ASB3: variants seen among roughly 807,000 people sequenced by gnomAD.
The protein encoded by ASB3 is ankyrin repeat and SOCS box protein 3.
In ASB3, 41 loss-of-function variants were observed where a neutral mutation model predicts 54.5. The observed-to-expected ratio is 0.75, with a 90% confidence interval of 0.59 to 0.98. The LOEUF (loss-of-function observed/expected upper bound fraction) is 0.98, where lower values mean the gene tolerates loss of function less well. Among genes scored for constraint, ASB3 ranks in the 50% least tolerant of loss-of-function variants. ASB3 has a pLI of 0.00. For synonymous variants in ASB3, 266 were observed against 221.2 expected (o/e 1.20, Z -1.80); for missense variants, 733 against 620.0 (o/e 1.18, Z -1.94).
At chr2:53,696,269 T>A (rs1669175931) in intron 8 of ASB3, among the ~76,000 whole-genome samples, 1 of 152,224 alleles carries the variant, frequency 6.6e-6, no homozygotes, top group African/African-American at 2.4e-5. Context: ...ACAACTTACT[T>A]CAAAATAGTT....
At chr2:53,756,994 G>A (rs76197928) in intron 2 of ASB3, 128 of 168,316 alleles carry the variant, frequency 7.6e-4, no homozygotes, top group Admixed American at 1.9e-3. Context: ...CTTGGAATCC[G>A]TGAGGTCAAG....
Position 53,670,436 on chromosome 2 carries a change from C to G in ASB3, c.*67G>C. 1.3e-6 allele frequency: 2 copies of G among 1,531,238 alleles called. No homozygotes were observed. The highest frequency in any genetic ancestry group is 1.8e-6 in the Non-Finnish European group (2 of 1,134,688). The allele number at this position is 1,531,238 out of a possible 1,614,324, so 94.9% of individuals were successfully genotyped here. A position where few individuals can be genotyped will look rare whatever the true frequency, so the allele number is the denominator to read the frequency against. ...CTATAAAATCATAAAAACTTGTACT[C>G]TGTGGCTCTTTTGTCTCGATGATTT... On this transcript the variant is annotated 3_prime_UTR_variant, in exon 10 of 10. Transcript: ENST00000263634.
chr2:53,762,524 T>G (rs1395697740), intron 2 of ASB3, among the ~76,000 whole-genome samples: 1 of 152,214 alleles, frequency 6.6e-6, no homozygotes, highest in Non-Finnish European at 1.5e-5. Context: ...TTATTTAACA[T>G]GAACTAATAA....
chr2:53,774,536 AG>A (rs1287009643), intron 1 of ASB3: 1 of 1,516,178 alleles, frequency 6.6e-7, no homozygotes, highest in South Asian at 1.4e-5. Context: ...TTTAGTCTTC[AG>A]AGAATTAACT....
intron 2 of ASB3, among the ~76,000 whole-genome samples, chr2:53,752,470 T>A (rs890338146): frequency 6.6e-6 from 1 of 152,210 alleles, no homozygotes; most frequent in African/African-American, 2.4e-5. Flanking sequence ...CCCCACTGCA[T>A]AAGGTGAGAA....
intron 8 of ASB3, among the ~76,000 whole-genome samples, chr2:53,696,912 C>T (rs1231256721): frequency 6.6e-6 from 1 of 152,004 alleles, no homozygotes; most frequent in Non-Finnish European, 1.5e-5. Context: ...GGTGTATGAA[C>T]CAGAGCAACT....
intron 1 of ASB3, among the ~76,000 whole-genome samples, chr2:53,772,476 G>A (rs1325218987): frequency 1.3e-5 from 2 of 151,876 alleles, no homozygotes; most frequent in Non-Finnish European, 2.9e-5. Flanking sequence ...GCCCAGCCGT[G>A]GGATTTTTTT....
intron 3 of ASB3, among the ~76,000 whole-genome samples, chr2:53,738,134 G>A (rs568975064): frequency 6.6e-6 from 1 of 152,276 alleles, no homozygotes; most frequent in South Asian, 2.1e-4. Context: ...GCCTGATAGT[G>A]TAGAGGCCTG....
chr2:53,733,080 G>A (rs1033078120), intron 3 of ASB3, among the ~76,000 whole-genome samples: 1 of 152,156 alleles, frequency 6.6e-6, no homozygotes, highest in Non-Finnish European at 1.5e-5. Context: ...TCTTTTCTAA[G>A]AACAGAGTCA....
At chr2:53,686,474 A>T (rs1668637352) in intron 9 of ASB3, among the ~76,000 whole-genome samples, 1 of 152,208 alleles carries the variant, frequency 6.6e-6, no homozygotes, top group Admixed American at 6.5e-5. Context: ...AGCAGCTACA[A>T]GAAACCTTTC....
chr2:53,772,235 C>G (rs1014184795), intron 1 of ASB3, among the ~76,000 whole-genome samples: 3 of 152,046 alleles, frequency 2.0e-5, no homozygotes, highest in Non-Finnish European at 4.4e-5. Context: ...AGTGCAGTGG[C>G]GCGATCTCGG....
At chr2:53,724,370 G>A (rs1335982808) in intron 5 of ASB3, among the ~76,000 whole-genome samples, 2 of 152,120 alleles carry the variant, frequency 1.3e-5, no homozygotes, top group South Asian at 2.1e-4. Flanking sequence ...AGGCCAAGGC[G>A]GGTGGATCAC....
intron 1 of ASB3, among the ~76,000 whole-genome samples, chr2:53,782,521 C>CCACA (rs1454122407): frequency 6.6e-6 from 1 of 152,184 alleles, no homozygotes; most frequent in African/African-American, 2.4e-5. Flanking sequence ...AAACTTTTTA[C>CCACA]CACAGCCCTT....
chr2:53,766,796 T>G (rs879353765), intron 1 of ASB3, among the ~76,000 whole-genome samples: 1 of 152,160 alleles, frequency 6.6e-6, no homozygotes, highest in Admixed American at 6.5e-5. Flanking sequence ...TGCTTTTTTT[T>G]TTGTTTGTTT....
intron 8 of ASB3, among the ~76,000 whole-genome samples, chr2:53,697,653 A>G (rs1454711749): frequency 6.6e-6 from 1 of 152,220 alleles, no homozygotes; most frequent in Non-Finnish European, 1.5e-5. Flanking sequence ...TGGGACAGGC[A>G]TAAGACAAAC....
At chr2:53,730,666 T>G (rs1439823728) in intron 3 of ASB3, among the ~76,000 whole-genome samples, 2 of 152,218 alleles carry the variant, frequency 1.3e-5, no homozygotes, top group Admixed American at 6.5e-5. Flanking sequence ...CCATCAACTG[T>G]GTATACATGT....
chr2:53,765,790 G>T (rs1225178180), intron 1 of ASB3, among the ~76,000 whole-genome samples: 1 of 152,090 alleles, frequency 6.6e-6, no homozygotes, highest in Non-Finnish European at 1.5e-5. Context: ...GGAATTCCTT[G>T]GAAGGTTCCC....
intron 1 of ASB3, chr2:53,768,251 A>ACGG: frequency 2.0e-6 from 1 of 495,472 alleles, no homozygotes; most frequent in South Asian, 3.3e-5. Context: ...GTCTCTAGAG[A>ACGG]CGGCGAGAAG....
intron 5 of ASB3, among the ~76,000 whole-genome samples, chr2:53,720,218 C>T (rs1670623539): frequency 6.6e-6 from 1 of 151,750 alleles, no homozygotes; most frequent in South Asian, 2.1e-4. Flanking sequence ...AGTTGTCCCG[C>T]TTTTCCAGAC....
Sources: gnomAD v4.1 joint callset for allele counts (sites outside exome capture counted in the v4.1 genomes callset) on GRCh38, gnomAD v4.1.1 for gene constraint, MANE v1.5 for transcripts, NCBI Gene and HGNC (gene_info 2026-07-23, HGNC 2026-07-21) for gene names.